Variants in RABGAP1L observed in about 807,000 individuals in gnomAD.
RABGAP1L encodes the protein RAB GTPase activating protein 1 like.
A neutral mutation model predicts 137.7 loss-of-function variants in RABGAP1L; 63 were observed. The ratio of observed to expected loss-of-function variants is 0.46; its 90% CI spans 0.37 to 0.56. RABGAP1L has a LOEUF of 0.56. Ranked by LOEUF, RABGAP1L falls within the 20% of genes least tolerant of loss-of-function variation. The pLI, the probability that RABGAP1L is intolerant of heterozygous loss-of-function variation, is 0.00. For missense variants in RABGAP1L, 1,095 were observed against 1,244.0 expected, an observed-to-expected ratio of 0.88 and a Z score of 1.80; for synonymous variants, 431 against 433.7, an observed-to-expected ratio of 0.99 and a Z score of 0.08.
At chr1:174,609,092 T>C (rs1166247514) in intron 13 of RABGAP1L, among the ~76,000 whole-genome samples, 1 of 152,164 alleles carries the variant, frequency 6.6e-6, no homozygotes. Flanking sequence ...CTAATCACTA[T>C]GCAAAGTAAG....
intron 13 of RABGAP1L, among the ~76,000 whole-genome samples, chr1:174,621,619 A>G (rs1420013617): frequency 2.0e-5 from 3 of 152,220 alleles, no homozygotes; most frequent in African/African-American, 7.2e-5. Context: ...TCCCTATTTA[A>G]TAAATGGTGT....
intron 13 of RABGAP1L, among the ~76,000 whole-genome samples, chr1:174,617,928 C>G (rs894815576): frequency 6.6e-6 from 1 of 152,170 alleles, no homozygotes; most frequent in Non-Finnish European, 1.5e-5. Flanking sequence ...CCTGGAAAAT[C>G]GGGTCACTCC....
At chr1:174,394,894 T>G (rs1306811446) in intron 13 of RABGAP1L, among the ~76,000 whole-genome samples, 1 of 151,992 alleles carries the variant, frequency 6.6e-6, no homozygotes, top group Non-Finnish European at 1.5e-5. Flanking sequence ...CTTTGCCTCC[T>G]TCCCTTCCAT....
intron 19 of RABGAP1L, among the ~76,000 whole-genome samples, chr1:174,875,882 G>T (rs1653020836): frequency 6.6e-6 from 1 of 152,162 alleles, no homozygotes; most frequent in African/African-American, 2.4e-5. Context: ...ATGCTTTACT[G>T]ACTCCAACAA....
intron 10 of RABGAP1L, among the ~76,000 whole-genome samples, chr1:174,299,268 G>A (rs1571974637): frequency 6.6e-6 from 1 of 152,280 alleles, no homozygotes; most frequent in Non-Finnish European, 1.5e-5. Flanking sequence ...TGTGAGTTGG[G>A]TGATTCTCTC....
At position 174,297,036 on chromosome 1, in the gene RABGAP1L, A is replaced by C. The variant is rs137923387; in HGVS notation, c.1324-7950A>C. Among the ~76,000 whole-genome samples the C allele has an allele frequency of 5.0e-3, 760 of 152,316 alleles. 5 individuals carry two copies. The highest frequency in any genetic ancestry group is 8.3e-3 in the Non-Finnish European group (568 of 68,028). On this transcript the variant is annotated intron_variant, in intron 10 of 25. Transcript: ENST00000681986. ...TATTCTGCTGGTGATGTTTAGGCAA[A>C]ACAATGATAAGACACCAGGCACATT...
At position 174,875,482 on chromosome 1, in the gene RABGAP1L, G is replaced by A. The variant is rs538408019; in HGVS notation, c.2340+63522G>A. 8.2e-6 allele frequency: 8 copies of A among 977,556 alleles called. No individual in the cohort carries two copies. The African/African-American group carries it at 1.4e-4, about 17-fold the overall frequency. 60.6% of individuals were successfully genotyped at this position (977,556 alleles called of 1,614,324 possible). A position where few individuals can be genotyped will look rare whatever the true frequency, so the allele number is the denominator to read the frequency against. ...AGCAGGGAGTAAGGCATTGTGGGAA[G>A]TACTTTCTTTACCTTCCACAACAGG... On this transcript the variant is annotated intron_variant, in intron 19 of 25. Coordinates refer to ENST00000681986, the MANE Select transcript of RABGAP1L (RefSeq NM_001366446.1).
intron 19 of RABGAP1L, chr1:174,877,345 T>G: frequency 2.2e-6 from 3 of 1,353,114 alleles, no homozygotes; most frequent in Non-Finnish European, 3.0e-6. Flanking sequence ...TTTTTCTTTC[T>G]CTTTCTTTCT....
chr1:174,895,874 G>A (rs1201459325), intron 19 of RABGAP1L, among the ~76,000 whole-genome samples: 1 of 152,130 alleles, frequency 6.6e-6, no homozygotes, highest in Non-Finnish European at 1.5e-5. Context: ...CCAGGTCTTT[G>A]CTATTGTGAA....
chr1:174,633,134 C>T (rs1192782170), intron 13 of RABGAP1L, among the ~76,000 whole-genome samples: 1 of 151,168 alleles, frequency 6.6e-6, no homozygotes, highest in Non-Finnish European at 1.5e-5. Flanking sequence ...CTAGAAAACC[C>T]CATCGTCTCA....
chr1:174,927,510 A>C (rs1358526067), intron 19 of RABGAP1L, among the ~76,000 whole-genome samples: 1 of 152,134 alleles, frequency 6.6e-6, no homozygotes, highest in Non-Finnish European at 1.5e-5. Flanking sequence ...GATTACAGGA[A>C]TGAGACAACA....
intron 13 of RABGAP1L, among the ~76,000 whole-genome samples, chr1:174,611,914 G>C (rs1671289592): frequency 6.6e-6 from 1 of 152,214 alleles, no homozygotes; most frequent in Non-Finnish European, 1.5e-5. Flanking sequence ...TTTGTTTCCT[G>C]AGACTTTGCT....
In RABGAP1L at chr1:174,927,576, T is replaced by C. The variant is rs573377346; in HGVS notation, c.2341-29881T>C. Among the ~76,000 whole-genome samples the C allele has an allele frequency of 1.1e-4, 16 of 152,244 alleles. 1 individual carries two copies. The East Asian group carries it at 2.5e-3, about 24-fold the overall frequency. ...ACGTTTTAGAGACATGGTTTTGCTATGTTGATCAGACTGGAGTGCAATGGC... is the reference window on the plus strand; with the variant it reads ...ACGTTTTAGAGACATGGTTTTGCTACGTTGATCAGACTGGAGTGCAATGGC... On this transcript the variant is annotated intron_variant, in intron 19 of 25. Transcript: ENST00000681986.
At chr1:174,302,036 A>G (rs1204814032) in intron 10 of RABGAP1L, among the ~76,000 whole-genome samples, 3 of 152,210 alleles carry the variant, frequency 2.0e-5, no homozygotes, top group Admixed American at 2.0e-4. Flanking sequence ...GCCACTGTCA[A>G]TATAAAGATC....
Position 174,679,433 on chromosome 1 carries a change from A to G in RABGAP1L, c.1825-4089A>G, listed in dbSNP as rs1021061890. Among the ~76,000 whole-genome samples, 5 of 152,346 alleles carry G rather than the reference A, an allele frequency of 3.3e-5. No individual in the cohort carries two copies. The East Asian group carries it at 5.8e-4, about 18-fold the overall frequency. On this transcript the variant is annotated intron_variant, in intron 14 of 25. Transcript: ENST00000681986. Reference sequence around the variant, plus strand: ...AGAATAGAGAGAAACTTCTAAACCTAATGAAGGATATCTATGGAAAATCTG... The same window carrying G: ...AGAATAGAGAGAAACTTCTAAACCTGATGAAGGATATCTATGGAAAATCTG...
chr1:174,788,346 A>C (rs942374553), intron 18 of RABGAP1L, among the ~76,000 whole-genome samples: 6 of 152,204 alleles, frequency 3.9e-5, no homozygotes, highest in Admixed American at 2.0e-4. Context: ...TCTCTCTGGC[A>C]GTTTTGTATT....
intron 19 of RABGAP1L, among the ~76,000 whole-genome samples, chr1:174,845,146 A>G (rs150660882): frequency 0.083 from 12,229 of 146,990 alleles, 615 homozygotes; most frequent in Admixed American, 0.11. Context: ...GGAGTTTTCT[A>G]GATAAACAAT....
rs373015409 is a variant in RABGAP1L, at chr1:174,888,102, C to T, written c.2341-69355C>T. Among the ~76,000 whole-genome samples the T allele has an allele frequency of 3.8e-4, 58 of 152,134 alleles. No individual in the cohort carries two copies. In the Middle Eastern group the frequency reaches 0.01, roughly 27 times the overall value. On this transcript the variant is annotated intron_variant, in intron 19 of 25. Transcript: ENST00000681986. Reference sequence around the variant, plus strand: ...CAGATTTATGATATGGTAATAAGTACTTCTTTATTAAACACATTAAATAGC... The same window carrying T: ...CAGATTTATGATATGGTAATAAGTATTTCTTTATTAAACACATTAAATAGC...
intron 13 of RABGAP1L, among the ~76,000 whole-genome samples, chr1:174,414,143 G>A (rs755191928): frequency 2.6e-5 from 4 of 151,824 alleles, no homozygotes; most frequent in South Asian, 2.1e-4. Context: ...CATATATTTC[G>A]TGCATTCATG....
Sources: gnomAD v4.1 joint callset for allele counts (sites outside exome capture counted in the v4.1 genomes callset) on GRCh38, gnomAD v4.1.1 for gene constraint, MANE v1.5 for transcripts, NCBI Gene and HGNC (gene_info 2026-07-23, HGNC 2026-07-21) for gene names.